The following DBNDD1 variants were observed in gnomAD, a reference collection of about 807,000 sequenced individuals.
DBNDD1 encodes dysbindin domain-containing protein 1.
Under a neutral mutation model 17.0 loss-of-function variants are expected in DBNDD1, and 14 were observed. The observed-to-expected ratio is 0.82, with a 90% CI of 0.54 to 1.29. The LOEUF is 1.29. Among genes scored for constraint, DBNDD1 ranks in the 50% most tolerant of loss-of-function variants. The probability of loss-of-function intolerance (pLI) is 0.00; values close to 1 mark genes in which losing one functional copy is unlikely to be tolerated. For synonymous variants in DBNDD1, 105 were observed against 102.0 expected (o/e 1.03, Z -0.18); for missense variants, 221 against 216.2 (o/e 1.02, Z -0.14).
At chr16:90,014,294 T>C (rs2035602994) in intron 1 of DBNDD1, among the ~76,000 whole-genome samples, 1 of 152,002 alleles carries the variant, frequency 6.6e-6, no homozygotes, top group Non-Finnish European at 1.5e-5. Flanking sequence ...GCCTGGCTAA[T>C]TTTTGTATCT....
chr16:90,014,135 A>T (rs11863944), intron 1 of DBNDD1, among the ~76,000 whole-genome samples: 115,522 of 150,092 alleles, frequency 0.77, 46,089 homozygotes, highest in East Asian at 0.96. Context: ...TATTATTATT[A>T]TTTTTTTTTT....
chr16:90,008,978 G>C (rs1276044399), intron 2 of DBNDD1, 54 bp from the exon 3 acceptor site: 31 of 1,496,250 alleles, frequency 2.1e-5, no homozygotes, highest in Non-Finnish European at 2.7e-5. Context: ...AGGCTGCTCA[G>C]AGCCCCGGGG....
chr16:90,013,047 G>A (rs2035581970), intron 1 of DBNDD1, among the ~76,000 whole-genome samples: 1 of 151,798 alleles, frequency 6.6e-6, no homozygotes, highest in Admixed American at 6.6e-5. Flanking sequence ...TGGGGCCAGA[G>A]TAGTTCTGCA....
intron 1 of DBNDD1, among the ~76,000 whole-genome samples, chr16:90,014,315 T>C (rs77733403): frequency 0.24 from 36,480 of 151,816 alleles, 5,408 homozygotes; most frequent in East Asian, 0.61. Context: ...TTAGTAGAGA[T>C]GGGGTTTCTC....
chr16:90,009,437 C>T lies in DBNDD1; in HGVS notation c.32-7G>A. 1 of 1,609,690 alleles carries T rather than the reference C, an allele frequency of 6.2e-7. No homozygotes were observed. Among genetic ancestry groups the T allele is most frequent in the South Asian group, 1.1e-5 (1 of 91,084 alleles). ...TCAGCCTCCTTAACGATCTCTGCAT[C>T]CAAAGACACAGTGTCACCTTGAGAT... On this transcript the variant is annotated splice_polypyrimidine_tract_variant and splice_region_variant and intron_variant, in intron 1 of 3. Transcript: ENST00000002501.
chr16:90,007,926 AC>A (rs2035462619), intron 3 of DBNDD1, among the ~76,000 whole-genome samples: 5 of 140,234 alleles, frequency 3.6e-5, no homozygotes, highest in Middle Eastern at 3.7e-3. Flanking sequence ...AAGGGGCCTC[AC>A]CCCCCAAACA....
At chr16:90,016,226 C>T (rs763171136) in intron 1 of DBNDD1, among the ~76,000 whole-genome samples, 4 of 152,116 alleles carry the variant, frequency 2.6e-5, no homozygotes, top group Non-Finnish European at 5.9e-5. Flanking sequence ...GGACCTAGCG[C>T]ACAGTAGGTG....
In DBNDD1 at chr16:90,008,636, C is replaced by T. The variant is rs569424054; in HGVS notation, c.319+148G>A. The T allele has an allele frequency of 3.2e-4, 160 of 505,676 alleles. No individual in the cohort carries two copies. The East Asian group carries it at 4.5e-3, about 14-fold the overall frequency. The allele number at this position is 505,676 out of a possible 1,614,324, so 31.3% of individuals were successfully genotyped here. A position where few individuals can be genotyped will look rare whatever the true frequency, so the allele number is the denominator to read the frequency against. ...GCCTCAGCCCACCACCCACACCTCC[C>T]AGGACGTCCCAAGGGGCCTCACCCC... On this transcript the variant is annotated intron_variant, in intron 3 of 3. Transcript: ENST00000002501.
At chr16:90,014,471 G>C (rs1023592931) in intron 1 of DBNDD1, among the ~76,000 whole-genome samples, 1 of 152,126 alleles carries the variant, frequency 6.6e-6, no homozygotes, top group African/African-American at 2.4e-5. Flanking sequence ...CAGTCCAGAG[G>C]GAGGTAAGTC....
chr16:90,011,337 C>A (rs950428445), intron 1 of DBNDD1, among the ~76,000 whole-genome samples: 13 of 152,334 alleles, frequency 8.5e-5, no homozygotes, highest in Admixed American at 2.6e-4. Context: ...AGCGTCCGTC[C>A]CGGTGCACCC....
chr16:90,006,221 G>A lies in DBNDD1; in HGVS notation c.*114C>T. The A allele has an allele frequency of 7.2e-7, 1 of 1,387,276 alleles. No homozygotes were observed. The highest frequency in any genetic ancestry group is 9.7e-7 in the Non-Finnish European group (1 of 1,035,476). 85.9% of individuals were successfully genotyped at this position (1,387,276 alleles called of 1,614,324 possible). On this transcript the variant is annotated 3_prime_UTR_variant, in exon 4 of 4. Transcript: ENST00000002501. ...CTGCCCCCAGGGTGTGTGTCAGGAG[G>A]TGACGGCTGGAGCCTCGTGGGCGGG...
At chr16:90,010,210 T>G in intron 1 of DBNDD1, 1 of 595,600 alleles carries the variant, frequency 1.7e-6, no homozygotes, top group Non-Finnish European at 2.9e-6. Flanking sequence ...CACGCCCGGC[T>G]AATTTTTGTA....
At chr16:90,019,613 G>A (rs1164462306), upstream of DBNDD1, 4 of 365,928 alleles carry the variant, frequency 1.1e-5, no homozygotes, top group Non-Finnish European at 1.9e-5. This position sits in a 1 kb window ranked among gnomAD's most constrained non-coding sequence, Gnocchi z 6.1. Context: ...CTGGCCCAGC[G>A]GACCCCTCCC....
At chr16:90,015,918 ATAG>A (rs770873059) in intron 1 of DBNDD1, among the ~76,000 whole-genome samples, 2 of 152,098 alleles carry the variant, frequency 1.3e-5, no homozygotes, top group East Asian at 3.8e-4. Context: ...ATAAAATTAG[ATAG>A]TGGTGGTGAC....
rs540810804 is a variant in DBNDD1, at chr16:90,005,833, T to C, written c.*502A>G. 28 of 158,810 alleles carry C rather than the reference T, an allele frequency of 1.8e-4. No homozygotes were observed. The highest frequency in any genetic ancestry group is 3.4e-4 in the Non-Finnish European group (24 of 71,324). 9.8% of individuals were successfully genotyped at this position (158,810 alleles called of 1,614,324 possible). A position where few individuals can be genotyped will look rare whatever the true frequency, so the allele number is the denominator to read the frequency against. The stretch of plus-strand genomic sequence containing the variant: ...ATGTGTGCTTTGCTGGACAGCACAT[T>C]GTCCCATTAGCCACTACCAAACCCG... On this transcript the variant is annotated 3_prime_UTR_variant, in exon 4 of 4. Coordinates refer to ENST00000002501, the MANE Select transcript of DBNDD1 (RefSeq NM_001042610.3).
At chr16:90,016,380 A>C (rs552525331) in intron 1 of DBNDD1, among the ~76,000 whole-genome samples, 2 of 152,322 alleles carry the variant, frequency 1.3e-5, no homozygotes, top group African/African-American at 4.8e-5. Context: ...TGCTTTTCCC[A>C]GGGTGGGAAC....
chr16:90,017,215 G>C lies in DBNDD1; in HGVS notation c.31+2096C>G, dbSNP rs184736081. Among the ~76,000 whole-genome samples the C allele has an allele frequency of 5.3e-3, 802 of 152,332 alleles. 6 individuals are homozygous for C. The highest frequency in any genetic ancestry group is 0.018 in the African/African-American group (764 of 41,576). On this transcript the variant is annotated intron_variant, in intron 1 of 3. Transcript: ENST00000002501. ...TAATGCTTTATAAAAATCCTATTTT[G>C]CCGGGCATGGTGGCTGACGCCTGTA...
At chr16:90,013,703 G>C (rs1054593098) in intron 1 of DBNDD1, among the ~76,000 whole-genome samples, 1 of 152,168 alleles carries the variant, frequency 6.6e-6, no homozygotes, top group Non-Finnish European at 1.5e-5. Context: ...TCATCTAGAC[G>C]AAGGCTCTGA....
At chr16:90,006,653 CCA>C in intron 3 of DBNDD1, 161 bp from the exon 4 acceptor site, 1 of 937,976 alleles carries the variant, frequency 1.1e-6, no homozygotes, top group South Asian at 1.7e-5. Flanking sequence ...GAGGCCCCCA[CCA>C]CACACTGGCC....
Sources: gnomAD v4.1 joint callset for allele counts (sites outside exome capture counted in the v4.1 genomes callset) on GRCh38, gnomAD v4.1.1 for gene constraint, Gnocchi (gnomAD v3.1) non-coding constraint, MANE v1.5 for transcripts, NCBI Gene and HGNC (gene_info 2026-07-23, HGNC 2026-07-21) for gene names.